Variants in ZNF189 observed in about 807,000 individuals in gnomAD.
The protein encoded by ZNF189 is zinc finger protein 189.
A neutral mutation model predicts 53.5 loss-of-function variants in ZNF189; 33 were observed. The ratio of observed to expected loss-of-function variants is 0.62; its 90% CI spans 0.47 to 0.82. ZNF189 has a LOEUF of 0.82. Ranked by LOEUF, ZNF189 falls within the 40% of genes least tolerant of loss-of-function variation. The pLI is 0.00. For missense variants in ZNF189, 711 were observed against 753.9 expected (o/e 0.94, Z 0.67); for synonymous variants, 247 against 238.8 (o/e 1.03, Z -0.32).
chr9:101,407,813 A>G lies in ZNF189; in HGVS notation c.161-116A>G, dbSNP rs1190319106. ...TTTTCATCCTACCCTGTTTTCCTTG[A>G]TAGACTGATTAATCCCACCTTGACT... On this transcript the variant is annotated intron_variant, in intron 2 of 2. Coordinates refer to ENST00000339664, the MANE Select transcript of ZNF189 (RefSeq NM_003452.4). The G allele has an allele frequency of 5.5e-6, 6 of 1,086,224 alleles. No individual in the cohort carries two copies. In the East Asian group the frequency reaches 1.6e-4, roughly 29 times the overall value. The allele number at this position is 1,086,224 out of a possible 1,614,324, so 67.3% of individuals were successfully genotyped here.
Position 101,399,080 on chromosome 9 carries a change from G to A in ZNF189, c.-77G>A. 1 of 1,024,124 alleles carries A rather than the reference G, an allele frequency of 9.8e-7. No homozygotes were observed. The highest frequency in any genetic ancestry group is 1.5e-6 in the Non-Finnish European group (1 of 650,528). The allele number at this position is 1,024,124 out of a possible 1,614,324, so 63.4% of individuals were successfully genotyped here. A position where few individuals can be genotyped will look rare whatever the true frequency, so the allele number is the denominator to read the frequency against. On this transcript the variant is annotated 5_prime_UTR_variant, in exon 1 of 3. Transcript: ENST00000339664. ...TCGTATTCGTCGAGCCTAATTTCCA[G>A]CAGCCGGGTAGGCCTCACCAGAGGC...
Position 101,399,086 on chromosome 9 carries a change from G to GGT in ZNF189, c.-70_-69insTG, listed in dbSNP as rs1229078286. ...TCGTCGAGCCTAATTTCCAGCAGCC[G>GGT]GGTAGGCCTCACCAGAGGCTCCTTT... On this transcript the variant is annotated 5_prime_UTR_variant, in exon 1 of 3. Transcript: ENST00000339664. The GGT allele has an allele frequency of 5.6e-6, 6 of 1,061,992 alleles. No individual in the cohort carries two copies. In the African/African-American group the frequency reaches 6.2e-5, roughly 11 times the overall value. 65.8% of individuals were successfully genotyped at this position (1,061,992 alleles called of 1,614,324 possible).
chr9:101,399,965 T>C lies in ZNF189; in HGVS notation c.115T>C (p.Tyr39His), dbSNP rs776931246. The C allele has an allele frequency of 6.2e-7, 1 of 1,614,174 alleles. No homozygotes were observed. The highest frequency in any genetic ancestry group is 1.1e-5 in the South Asian group (1 of 91,082). The change falls in exon 2 of 3, where the codon TAT becomes CAT. Residue 39 changes from tyrosine (Y) to histidine (H), a missense_variant. By Grantham distance (83) the Tyr-to-His change is moderately conservative. Coordinates refer to ENST00000339664, the MANE Select transcript of ZNF189 (RefSeq NM_003452.4). ...DYLDPAQRSL[Y>H]KDVMMENYGN... ...TCTGGACCCAGCTCAGAGAAGCCTG[T>C]ATAAAGATGTCATGATGGAGAATTA...
chr9:101,400,113 C>A, intron 2 of ZNF189, 103 bp downstream of exon 2: 1 of 1,439,178 alleles, frequency 6.9e-7, no homozygotes, highest in Non-Finnish European at 9.4e-7. Context: ...TGCTTTGTTC[C>A]AAAGTTCTGA....
In ZNF189 at chr9:101,408,720, TGTG is replaced by T. The variant is rs755642941; in HGVS notation, c.956_958del (p.Gly319del). ...TCACACTGGGGAAAGACCCCATAAA[TGTG>T]GTGAATGTGGGAAAGCCTTTCGATT... On this transcript the variant is annotated inframe_deletion, in exon 3 of 3. Transcript: ENST00000339664. The T allele has an allele frequency of 7.4e-6, 12 of 1,614,078 alleles. No homozygotes were observed. Among genetic ancestry groups the T allele is most frequent in the South Asian group, 1.1e-5 (1 of 91,080 alleles).
intron 2 of ZNF189, among the ~76,000 whole-genome samples, chr9:101,407,695 A>T (rs983633851): frequency 2.2e-4 from 34 of 152,276 alleles, no homozygotes; most frequent in African/African-American, 7.9e-4. Flanking sequence ...ATGCCTGGCC[A>T]TTAGCATCTG....
chr9:101,401,848 A>C (rs1830546681), intron 2 of ZNF189, among the ~76,000 whole-genome samples: 1 of 151,864 alleles, frequency 6.6e-6, no homozygotes, highest in South Asian at 2.1e-4. Context: ...ACTTCCCCTC[A>C]GTCTGTACTC....
Position 101,408,548 on chromosome 9 carries a change from T to A in ZNF189, c.780T>A (p.His260Gln). ...HQRIHTGEKP[H>Q]KCSDCGKAFS... ...GGATTCATACAGGTGAGAAACCCCATAAATGTAGTGACTGTGGGAAAGCCT... is the reference window on the plus strand; with the variant it reads ...GGATTCATACAGGTGAGAAACCCCAAAAATGTAGTGACTGTGGGAAAGCCT... Residue 260 changes from histidine to glutamine, a missense_variant, in exon 3 of 3, where the codon CAT becomes CAA. His to Gln is a conservative substitution (Grantham distance 24). Transcript: ENST00000339664. 1 of 1,614,186 alleles carries A rather than the reference T, an allele frequency of 6.2e-7. No individual in the cohort carries two copies. The highest frequency in any genetic ancestry group is 8.5e-7 in the Non-Finnish European group (1 of 1,180,034).
At chr9:101,402,069 C>T (rs1830556333) in intron 2 of ZNF189, among the ~76,000 whole-genome samples, 1 of 152,166 alleles carries the variant, frequency 6.6e-6, no homozygotes, top group Non-Finnish European at 1.5e-5. Flanking sequence ...GCATGCACCG[C>T]CACACCCAGC....
chr9:101,399,729 C>T (rs571108684), intron 1 of ZNF189, among the ~76,000 whole-genome samples, 155 bp from the exon 2 acceptor site: 1 of 152,212 alleles, frequency 6.6e-6, no homozygotes, highest in Non-Finnish European at 1.5e-5. Context: ...CTGTCAGTTA[C>T]AGTTCGTTCC....
chr9:101,407,463 G>T, intron 2 of ZNF189: 1 of 398,814 alleles, frequency 2.5e-6, no homozygotes, highest in Non-Finnish European at 4.4e-6. Context: ...ACAGCTTGCT[G>T]CAGCCTCAAC....
intron 2 of ZNF189, among the ~76,000 whole-genome samples, 180 bp from the exon 3 acceptor site, chr9:101,407,749 C>T (rs537880759): frequency 6.6e-6 from 1 of 152,120 alleles, no homozygotes; most frequent in African/African-American, 2.4e-5. Flanking sequence ...TCCAATAATG[C>T]TTTCTCATCC....
intron 2 of ZNF189, among the ~76,000 whole-genome samples, chr9:101,405,298 A>G (rs1588159107): frequency 6.6e-6 from 1 of 152,214 alleles, no homozygotes; most frequent in East Asian, 1.9e-4. Context: ...GGCAGCCTAA[A>G]GACTGGAGCC....
At chr9:101,407,756 A>G (rs1054913354) in intron 2 of ZNF189, among the ~76,000 whole-genome samples, 173 bp from the exon 3 acceptor site, 1 of 151,868 alleles carries the variant, frequency 6.6e-6, no homozygotes, top group African/African-American at 2.4e-5. Flanking sequence ...ATGCTTTCTC[A>G]TCCTTAATTT....
chr9:101,400,381 G>C (rs1002195319), intron 2 of ZNF189, among the ~76,000 whole-genome samples: 4 of 152,084 alleles, frequency 2.6e-5, no homozygotes, highest in African/African-American at 9.7e-5. Flanking sequence ...CAAGGACAAC[G>C]TTTCTCTGGC....
Position 101,399,167 on chromosome 9 carries a change from C to T in ZNF189, c.11C>T (p.Pro4Leu), listed in dbSNP as rs746988808. 6 of 1,595,382 alleles carry T rather than the reference C, an allele frequency of 3.8e-6. No individual in the cohort carries two copies. The East Asian group carries it at 1.3e-4, about 36-fold the overall frequency. Residue 4 changes from proline to leucine, a missense_variant, in exon 1 of 3, where the codon CCG becomes CTG. Physicochemically the swap from Pro to Leu is moderately conservative, Grantham distance 98. Coordinates refer to ENST00000339664, the MANE Select transcript of ZNF189 (RefSeq NM_003452.4). Reference sequence around the variant, plus strand: ...TTCTCTGCCTGGGAGATGGCTTCCCCGAGCCCCCCGCCGGAGTCGAAGGTA... The same window carrying T: ...TTCTCTGCCTGGGAGATGGCTTCCCTGAGCCCCCCGCCGGAGTCGAAGGTA... Reference protein sequence around the residue: MASPSPPPESKGLL... With the variant: MASLSPPPESKGLL...
At position 101,401,503 on chromosome 9, in the gene ZNF189, T is replaced by C. The variant is rs529513004; in HGVS notation, c.160+1493T>C. Among the ~76,000 whole-genome samples, 3 of 152,314 alleles carry C rather than the reference T, an allele frequency of 2.0e-5. No individual in the cohort carries two copies. The East Asian group carries it at 5.8e-4, about 29-fold the overall frequency. ...TACCCTTATTCTGATGATTGGTATGTTCATAACTCTTCAACAGGAGAAAAG... is the reference window on the plus strand; with the variant it reads ...TACCCTTATTCTGATGATTGGTATGCTCATAACTCTTCAACAGGAGAAAAG... On this transcript the variant is annotated intron_variant, in intron 2 of 2. Coordinates refer to ENST00000339664, the MANE Select transcript of ZNF189 (RefSeq NM_003452.4).
chr9:101,406,158 GT>G (rs1243901882), intron 2 of ZNF189, among the ~76,000 whole-genome samples: 2 of 152,102 alleles, frequency 1.3e-5, no homozygotes, highest in Non-Finnish European at 2.9e-5. Context: ...TTCGCCACAG[GT>G]TGCAGAATAG....
intron 2 of ZNF189, among the ~76,000 whole-genome samples, chr9:101,402,783 C>T (rs1409141411): frequency 6.6e-6 from 1 of 152,150 alleles, no homozygotes; most frequent in Admixed American, 6.5e-5. Context: ...TTATATGCTT[C>T]TTAAATATTT....
Sources: allele counts gnomAD v4.1 joint callset (sites outside exome capture counted in the v4.1 genomes callset), GRCh38; gene constraint gnomAD v4.1.1; transcripts MANE v1.5; gene names NCBI Gene and HGNC (gene_info 2026-07-23, HGNC 2026-07-21).